SAMD12: variants seen among roughly 807,000 people sequenced by gnomAD.
The protein encoded by SAMD12 is sterile alpha motif domain containing 12.
SAMD12 carries 9 observed loss-of-function variants against 15.0 expected under a neutral mutation model. The ratio of observed to expected loss-of-function variants is 0.60; its 90% CI spans 0.36 to 1.05. The LOEUF is 1.05. SAMD12 is among the 50% of genes least tolerant of loss of function. The pLI is 0.01. For synonymous variants in SAMD12, 86 were observed against 90.1 expected (o/e 0.96, Z 0.25); for missense variants, 230 against 234.2 (o/e 0.98, Z 0.12).
chr8:118,497,723 C>CGGGGGG (rs57304177), intron 2 of SAMD12, among the ~76,000 whole-genome samples: 211 of 58,746 alleles, frequency 3.6e-3, no homozygotes, highest in African/African-American at 0.013. Context: ...ACTTAAGTTG[C>CGGGGGG]GGGGGGGGGT....
At chr8:118,355,383 G>A (rs766997190) in intron 4 of SAMD12, among the ~76,000 whole-genome samples, 15 of 152,160 alleles carry the variant, frequency 9.9e-5, no homozygotes, top group Non-Finnish European at 2.1e-4. Flanking sequence ...TGGGGACTTG[G>A]GGGAAGGGTA....
At chr8:118,408,349 C>T (rs1042160007) in intron 3 of SAMD12, among the ~76,000 whole-genome samples, 3 of 152,132 alleles carry the variant, frequency 2.0e-5, no homozygotes, top group Non-Finnish European at 2.9e-5. Context: ...ACGTCAAACC[C>T]GCTCAGCAGT....
chr8:118,225,789 G>A (rs1400555287), intron 4 of SAMD12, among the ~76,000 whole-genome samples: 2 of 152,164 alleles, frequency 1.3e-5, no homozygotes, highest in Non-Finnish European at 2.9e-5. Context: ...CAAGCGCAGC[G>A]AGGATACTCA....
At chr8:118,523,223 G>C (rs74395008) in intron 2 of SAMD12, among the ~76,000 whole-genome samples, 224 of 152,266 alleles carry the variant, frequency 1.5e-3, no homozygotes, top group African/African-American at 5.0e-3. Context: ...TTGGGGAGGA[G>C]GGAGGTGGGG....
intron 2 of SAMD12, among the ~76,000 whole-genome samples, chr8:118,557,725 A>G (rs1826581739): frequency 6.6e-6 from 1 of 152,170 alleles, no homozygotes; most frequent in South Asian, 2.1e-4. Flanking sequence ...GAAACAAAAC[A>G]TTTCAAACAC....
chr8:118,605,764 CAATATATATATATATATATATA>C (rs1827968067), intron 1 of SAMD12, among the ~76,000 whole-genome samples: 2 of 81,562 alleles, frequency 2.5e-5, no homozygotes, highest in African/African-American at 5.2e-5. Context: ...AAACCCATCA[CAATATATATATATATATATATA>C]TATATATATA....
chr8:118,232,240 G>A (rs765122149), intron 4 of SAMD12, among the ~76,000 whole-genome samples: 1 of 152,140 alleles, frequency 6.6e-6, no homozygotes, highest in South Asian at 2.1e-4. Flanking sequence ...GATGAGATAA[G>A]CTTAAGCTCC....
chr8:118,582,587 C>A (rs1444814175), intron 1 of SAMD12, among the ~76,000 whole-genome samples: 1 of 152,160 alleles, frequency 6.6e-6, no homozygotes, highest in Non-Finnish European at 1.5e-5. Context: ...TTAGTTCATA[C>A]CTCCCTTTTG....
At chr8:118,597,831 C>A (rs1040049786) in intron 1 of SAMD12, among the ~76,000 whole-genome samples, 1 of 152,188 alleles carries the variant, frequency 6.6e-6, no homozygotes, top group Non-Finnish European at 1.5e-5. Context: ...GCAGTTGGTA[C>A]TCTGTTATTT....
At chr8:118,333,478 G>A (rs1214589972) in intron 4 of SAMD12, among the ~76,000 whole-genome samples, 4 of 151,972 alleles carry the variant, frequency 2.6e-5, no homozygotes, top group Non-Finnish European at 5.9e-5. Context: ...AATAGCTGAC[G>A]TTGATGTTAA....
chr8:118,476,331 A>G (rs1823960043), intron 2 of SAMD12, among the ~76,000 whole-genome samples: 1 of 152,206 alleles, frequency 6.6e-6, no homozygotes, highest in Non-Finnish European at 1.5e-5. Flanking sequence ...TCATCTTTAG[A>G]CAGAGGACAG....
chr8:118,417,557 A>G (rs1821763749), intron 3 of SAMD12, among the ~76,000 whole-genome samples: 1 of 152,252 alleles, frequency 6.6e-6, no homozygotes, highest in Non-Finnish European at 1.5e-5. Flanking sequence ...TGATCTGTAA[A>G]TTAGCAACTT....
chr8:118,435,234 G>A (rs2130878966), intron 3 of SAMD12, among the ~76,000 whole-genome samples: 1 of 152,196 alleles, frequency 6.6e-6, no homozygotes, highest in South Asian at 2.1e-4. Flanking sequence ...AAGTAGATGA[G>A]TACAGTACAA....
At chr8:118,362,801 T>C (rs900355877) in intron 4 of SAMD12, among the ~76,000 whole-genome samples, 3 of 152,314 alleles carry the variant, frequency 2.0e-5, no homozygotes, top group East Asian at 1.9e-4. Flanking sequence ...TAGCAAAATT[T>C]CACATTATTG....
chr8:118,619,478 C>A (rs1230875368), intron 1 of SAMD12, among the ~76,000 whole-genome samples: 504 of 112,090 alleles, frequency 4.5e-3, no homozygotes, highest in Middle Eastern at 9.5e-3. Context: ...GACTCTGTCT[C>A]AAAAAAAAAA....
At chr8:118,202,117 G>T (rs1265187601) in intron 4 of SAMD12, among the ~76,000 whole-genome samples, 2 of 152,278 alleles carry the variant, frequency 1.3e-5, no homozygotes, top group East Asian at 3.9e-4. Flanking sequence ...TCACCAGGCT[G>T]CTGTGTTGTT....
chr8:118,610,018 G>T (rs1415492361), intron 1 of SAMD12, among the ~76,000 whole-genome samples: 1 of 152,164 alleles, frequency 6.6e-6, no homozygotes, highest in Non-Finnish European at 1.5e-5. Flanking sequence ...AGATTCTTTT[G>T]TATTTCCCAG....
chr8:118,496,871 CA>C (rs58762417), intron 2 of SAMD12, among the ~76,000 whole-genome samples: 4 of 148,020 alleles, frequency 2.7e-5, no homozygotes, highest in African/African-American at 7.4e-5. Flanking sequence ...ATTTACAAGC[CA>C]AAAAAAAACC....
chr8:118,336,662 C>T (rs1817085298), intron 4 of SAMD12, among the ~76,000 whole-genome samples: 1 of 152,152 alleles, frequency 6.6e-6, no homozygotes, highest in South Asian at 2.1e-4. Flanking sequence ...GTTCCTACTT[C>T]TCCACATCCT....
Sources: gnomAD v4.1 joint callset for allele counts (sites outside exome capture counted in the v4.1 genomes callset) on GRCh38, gnomAD v4.1.1 for gene constraint, MANE v1.5 for transcripts, NCBI Gene and HGNC (gene_info 2026-07-23, HGNC 2026-07-21) for gene names.